KCNK13: variants seen among roughly 807,000 people sequenced by gnomAD.
KCNK13 encodes the protein potassium channel subfamily K member 13.
Under a neutral mutation model 23.4 loss-of-function variants are expected in KCNK13, and 12 were observed. The observed-to-expected ratio is 0.51, with a 90% CI of 0.33 to 0.83. The LOEUF is 0.83. Among genes scored for constraint, KCNK13 ranks in the 40% least tolerant of loss-of-function variants. The pLI, the probability that KCNK13 is intolerant of heterozygous loss-of-function variation, is 0.02. For missense variants in KCNK13, 463 were observed against 556.3 expected, an observed-to-expected ratio of 0.83 and a Z score of 1.69; for synonymous variants, 231 against 229.5, an observed-to-expected ratio of 1.01 and a Z score of -0.06.
Position 90,185,522 on chromosome 14 carries a change from A to G in KCNK13, c.*519A>G, listed in dbSNP as rs1325589336. 1.3e-5 allele frequency: 2 copies of G among 152,960 alleles called. No individual in the cohort carries two copies. The highest frequency in any genetic ancestry group is 2.9e-5 in the Non-Finnish European group (2 of 68,706). The allele number at this position is 152,960 out of a possible 1,614,324, so 9.5% of individuals were successfully genotyped here. A position where few individuals can be genotyped will look rare whatever the true frequency, so the allele number is the denominator to read the frequency against. Reference sequence around the variant, plus strand: ...ACCTGCCAATGGTGTCTGCATAGGGAAAATGTCTGTTGTACTCTTTATACC... The same window carrying G: ...ACCTGCCAATGGTGTCTGCATAGGGGAAATGTCTGTTGTACTCTTTATACC... On this transcript the variant is annotated 3_prime_UTR_variant, in exon 2 of 2. Coordinates refer to ENST00000282146, the MANE Select transcript of KCNK13 (RefSeq NM_022054.4).
intron 1 of KCNK13, among the ~76,000 whole-genome samples, chr14:90,088,596 T>A (rs1889308480): frequency 6.6e-6 from 1 of 152,252 alleles, no homozygotes. Flanking sequence ...AATATAGATT[T>A]CTGATTTCTC....
intron 1 of KCNK13, among the ~76,000 whole-genome samples, chr14:90,098,151 G>T (rs1432161970): frequency 6.6e-6 from 1 of 152,212 alleles, no homozygotes; most frequent in Non-Finnish European, 1.5e-5. Flanking sequence ...ACTTTAAAAT[G>T]TGAATTCAGA....
At chr14:90,100,732 C>T (rs755009606) in intron 1 of KCNK13, among the ~76,000 whole-genome samples, 11 of 152,132 alleles carry the variant, frequency 7.2e-5, no homozygotes, top group Non-Finnish European at 1.2e-4. Flanking sequence ...TGCTTTGTCG[C>T]GCAGGCTGGA....
chr14:90,146,009 A>T (rs1890069029), intron 1 of KCNK13, among the ~76,000 whole-genome samples: 1 of 152,060 alleles, frequency 6.6e-6, no homozygotes, highest in Non-Finnish European at 1.5e-5. Flanking sequence ...AACAAAACAA[A>T]ACAAAAACAA....
intron 1 of KCNK13, among the ~76,000 whole-genome samples, chr14:90,104,915 G>A (rs1320738569): frequency 1.3e-5 from 2 of 150,242 alleles, no homozygotes; most frequent in African/African-American, 2.5e-5. Context: ...TCAGCATCCC[G>A]AGTAGCTGGG....
Position 90,143,166 on chromosome 14 carries a change from TC to T in KCNK13, c.335-40944del, listed in dbSNP as rs1566644720. 2.5e-3 allele frequency among the ~76,000 whole-genome samples: 46 copies of T among 18,282 alleles called. 1 individual carries two copies. The highest frequency in any genetic ancestry group is 7.5e-3 in the South Asian group (9 of 1,208). The allele number at this position is 18,282 out of a possible 152,430, so 12.0% of individuals were successfully genotyped here. A position where few individuals can be genotyped will look rare whatever the true frequency, so the allele number is the denominator to read the frequency against. On this transcript the variant is annotated intron_variant, in intron 1 of 1. Transcript: ENST00000282146. ...CAGAAACTTTCTTTCTTTCTTTCTTTCTTTCTTTCTTTTCTTTTCTTTTCTT... is the reference window on the plus strand; with the variant it reads ...CAGAAACTTTCTTTCTTTCTTTCTTTTTTCTTTCTTTTCTTTTCTTTTCTT...
In KCNK13 at chr14:90,132,559, A is replaced by G. The variant is rs1175171696; in HGVS notation, c.335-51552A>G. 2.0e-5 allele frequency among the ~76,000 whole-genome samples: 3 copies of G among 150,078 alleles called. No individual in the cohort carries two copies. In the East Asian group the frequency reaches 5.8e-4, roughly 29 times the overall value. On this transcript the variant is annotated intron_variant, in intron 1 of 1. Transcript: ENST00000282146. ...ACTCTGTCTCAAAAAAAAAAAAAAAAGAAAGAAAGAAAGTAGAATGGAGTT... is the reference window on the plus strand; with the variant it reads ...ACTCTGTCTCAAAAAAAAAAAAAAAGGAAAGAAAGAAAGTAGAATGGAGTT...
chr14:90,079,701 G>A (rs1165100138), intron 1 of KCNK13, among the ~76,000 whole-genome samples: 5 of 152,170 alleles, frequency 3.3e-5, no homozygotes, highest in Non-Finnish European at 5.9e-5. Flanking sequence ...TTTGTCACAC[G>A]GCTGCAAGAA....
intron 1 of KCNK13, among the ~76,000 whole-genome samples, chr14:90,077,162 C>G (rs1889148360): frequency 6.8e-6 from 1 of 147,938 alleles, no homozygotes; most frequent in African/African-American, 2.5e-5. Flanking sequence ...TCTCATTGCC[C>G]AGGCTGGAGT....
chr14:90,114,254 T>C (rs1889648729), intron 1 of KCNK13, among the ~76,000 whole-genome samples: 1 of 152,176 alleles, frequency 6.6e-6, no homozygotes, highest in Non-Finnish European at 1.5e-5. Context: ...CACGTATCTA[T>C]ACTCAGGCTC....
chr14:90,123,923 T>A (rs1889767627), intron 1 of KCNK13, among the ~76,000 whole-genome samples: 1 of 152,152 alleles, frequency 6.6e-6, no homozygotes, highest in Non-Finnish European at 1.5e-5. Context: ...TTTTAACAGA[T>A]AGCAATGCCT....
intron 1 of KCNK13, among the ~76,000 whole-genome samples, chr14:90,064,087 G>A (rs1280705116): frequency 6.6e-5 from 10 of 152,150 alleles, no homozygotes; most frequent in African/African-American, 9.7e-5. Context: ...TGGACTCTTA[G>A]CCGTGTTCCA....
At chr14:90,134,513 T>C (rs1889912204) in intron 1 of KCNK13, among the ~76,000 whole-genome samples, 1 of 152,198 alleles carries the variant, frequency 6.6e-6, no homozygotes, top group Non-Finnish European at 1.5e-5. Context: ...AAAGATCCAA[T>C]GTTTATGAAA....
chr14:90,179,424 G>C, intron 1 of KCNK13, among the ~76,000 whole-genome samples: 1 of 152,134 alleles, frequency 6.6e-6, no homozygotes, highest in African/African-American at 2.4e-5. Context: ...CATGGGCTGA[G>C]TGAAGTGTTC....
intron 1 of KCNK13, among the ~76,000 whole-genome samples, chr14:90,130,212 A>ATTTATTTATTTATTTT (rs1413802492): frequency 6.6e-6 from 1 of 150,626 alleles, no homozygotes; most frequent in African/African-American, 2.5e-5. Context: ...TTATTTATTT[A>ATTTATTTATTTATTTT]TTTTTCAGAC....
chr14:90,100,758 C>T (rs1889466704), intron 1 of KCNK13, among the ~76,000 whole-genome samples: 1 of 152,134 alleles, frequency 6.6e-6, no homozygotes, highest in South Asian at 2.1e-4. Flanking sequence ...GCGGTATGAT[C>T]ACATCTTACT....
At chr14:90,087,138 ATATATATATATATATATTTT>A (rs1889287453) in intron 1 of KCNK13, among the ~76,000 whole-genome samples, 4 of 111,564 alleles carry the variant, frequency 3.6e-5, no homozygotes, top group African/African-American at 1.5e-4. Flanking sequence ...ACATATATAT[ATATATATATATATATATTTT>A]TTTTTTTTAT....
At chr14:90,110,011 A>G (rs780127481) in intron 1 of KCNK13, among the ~76,000 whole-genome samples, 4 of 151,954 alleles carry the variant, frequency 2.6e-5, no homozygotes, top group Non-Finnish European at 5.9e-5. Flanking sequence ...CCTGGCCAGG[A>G]TGTTTATTTA....
At chr14:90,124,696 C>T (rs76536031) in intron 1 of KCNK13, among the ~76,000 whole-genome samples, 423 of 152,304 alleles carry the variant, frequency 2.8e-3, no homozygotes, top group African/African-American at 5.6e-3. Flanking sequence ...AGCAGCCCTG[C>T]GGACAGCTTG....
Sources: allele counts gnomAD v4.1 joint callset (sites outside exome capture counted in the v4.1 genomes callset), GRCh38; gene constraint gnomAD v4.1.1; transcripts MANE v1.5; gene names NCBI Gene and HGNC (gene_info 2026-07-23, HGNC 2026-07-21).